SEMA6D: variants seen among roughly 807,000 people sequenced by gnomAD.
SEMA6D encodes the protein semaphorin 6D, also known as semaphorin-6D.
Under a neutral mutation model 106.6 loss-of-function variants are expected in SEMA6D, and 35 were observed. The observed-to-expected ratio is 0.33, with a 90% confidence interval of 0.25 to 0.44. SEMA6D has a LOEUF of 0.44. Among genes scored for constraint, SEMA6D ranks in the 20% least tolerant of loss-of-function variants. The pLI is 1.00. For missense variants in SEMA6D, 1,185 were observed against 1,345.9 expected (o/e 0.88, Z 1.87); for synonymous variants, 499 against 487.7 (o/e 1.02, Z -0.31).
intron 4 of SEMA6D, among the ~76,000 whole-genome samples, chr15:47,682,170 CT>C (rs775730736): frequency 2.3e-3 from 334 of 143,120 alleles, no homozygotes; most frequent in Non-Finnish European, 2.0e-3. Flanking sequence ...AACAGTGCCA[CT>C]TTTTTTTTTT....
intron 3 of SEMA6D, among the ~76,000 whole-genome samples, chr15:47,491,396 G>A (rs1043492565): frequency 1.3e-4 from 20 of 152,148 alleles, no homozygotes; most frequent in African/African-American, 4.3e-4. Context: ...AGAAAAACAA[G>A]TGTCAGAGGA....
intron 3 of SEMA6D, among the ~76,000 whole-genome samples, chr15:47,485,151 A>G (rs931187945): frequency 9.9e-5 from 15 of 152,232 alleles, no homozygotes; most frequent in African/African-American, 3.4e-4. Context: ...TATAAATGCC[A>G]TATTTGTGTC....
intron 4 of SEMA6D, among the ~76,000 whole-genome samples, chr15:47,625,832 T>C (rs939430242): frequency 6.6e-6 from 1 of 152,168 alleles, no homozygotes; most frequent in Non-Finnish European, 1.5e-5. Context: ...AAACTTAATT[T>C]AAAAGGGTGT....
At chr15:47,666,007 A>G (rs1286040827) in intron 4 of SEMA6D, among the ~76,000 whole-genome samples, 1 of 152,182 alleles carries the variant, frequency 6.6e-6, no homozygotes, top group East Asian at 1.9e-4. Flanking sequence ...ATGTGTCCCA[A>G]TTCTTCGACT....
In SEMA6D at chr15:47,763,004, T is replaced by C. The variant is rs958294659; in HGVS notation, c.659-12T>C. On this transcript the variant is annotated splice_polypyrimidine_tract_variant and intron_variant, in intron 8 of 18. Transcript: ENST00000536845. ...CCTTTAGGAACCAGTTTGTTTTTAA[T>C]TTTTCTTTCAGAGCCACACTTTCTT... 1 of 1,603,106 alleles carries C rather than the reference T, an allele frequency of 6.2e-7. No individual in the cohort carries two copies. Among genetic ancestry groups the C allele is most frequent in the Non-Finnish European group, 8.5e-7 (1 of 1,174,710 alleles).
chr15:47,353,298 G>C (rs568940893), intron 1 of SEMA6D, among the ~76,000 whole-genome samples: 1 of 152,028 alleles, frequency 6.6e-6, no homozygotes, highest in Non-Finnish European at 1.5e-5. Context: ...CCACCCACTC[G>C]TGCCCTCCCC....
intron 3 of SEMA6D, among the ~76,000 whole-genome samples, chr15:47,535,065 G>A (rs1374559985): frequency 7.4e-6 from 1 of 134,754 alleles, no homozygotes; most frequent in Non-Finnish European, 1.5e-5. Flanking sequence ...GATCAAGAAT[G>A]TGACAAAAAA....
At chr15:47,441,395 G>GT (rs1272743363) in intron 2 of SEMA6D, among the ~76,000 whole-genome samples, 1 of 152,110 alleles carries the variant, frequency 6.6e-6, no homozygotes, top group African/African-American at 2.4e-5. Context: ...AGTTGGGAGG[G>GT]TAGGAACAAG....
chr15:47,661,227 T>C (rs552215039), intron 4 of SEMA6D, among the ~76,000 whole-genome samples: 1 of 152,220 alleles, frequency 6.6e-6, no homozygotes, highest in Admixed American at 6.5e-5. Flanking sequence ...TTGGCTTGAC[T>C]CTATTTGGTT....
chr15:47,357,106 G>A (rs369776041), intron 1 of SEMA6D, among the ~76,000 whole-genome samples: 14 of 151,814 alleles, frequency 9.2e-5, no homozygotes, highest in South Asian at 2.1e-4. Flanking sequence ...AGGCGGAGGC[G>A]GGCGGATCAC....
rs137947441 is a variant in SEMA6D, at chr15:47,461,840, T to C, written c.-158-8634T>C. ...GCAAATTTGTAAAATGTGTGAAGAA[T>C]GTATATGTTTCTGCTTGTATATTCA... On this transcript the variant is annotated intron_variant, in intron 2 of 19. Transcript: ENST00000558014. 2.8e-3 allele frequency among the ~76,000 whole-genome samples: 424 copies of C among 152,132 alleles called. 2 individuals carry two copies. Among genetic ancestry groups the C allele is most frequent in the African/African-American group, 9.7e-3 (403 of 41,544 alleles).
At chr15:47,597,279 ATGAGTACAGCCATTAT>A (rs901190202) in intron 3 of SEMA6D, among the ~76,000 whole-genome samples, 5 of 152,110 alleles carry the variant, frequency 3.3e-5, no homozygotes, top group Admixed American at 6.5e-5. Context: ...GGGAATGTAA[ATGAGTACAGCCATTAT>A]TGAAAACTGT....
At chr15:47,708,111 A>G (rs1596702189) in intron 4 of SEMA6D, among the ~76,000 whole-genome samples, 2 of 152,298 alleles carry the variant, frequency 1.3e-5, no homozygotes, top group South Asian at 2.1e-4. Context: ...TCCAAGCTGT[A>G]TATCCTCCGG....
chr15:47,227,929 TAAGAATCTTATATATATTTTTATATGTAA>T (rs2031870671), intron 1 of SEMA6D, among the ~76,000 whole-genome samples: 1 of 143,464 alleles, frequency 7.0e-6, no homozygotes, highest in East Asian at 2.2e-4. Flanking sequence ...TTTATATATA[TAAGAATCTTATATATATTTTTATATGTAA>T]GAATCTTATA....
chr15:47,512,392 C>G (rs893015307), intron 3 of SEMA6D, among the ~76,000 whole-genome samples: 2 of 152,206 alleles, frequency 1.3e-5, no homozygotes, highest in African/African-American at 2.4e-5. Context: ...AATATCCACA[C>G]AGTTAAACCA....
At chr15:47,514,822 T>C (rs574966105) in intron 3 of SEMA6D, among the ~76,000 whole-genome samples, 1 of 152,296 alleles carries the variant, frequency 6.6e-6, no homozygotes, top group Admixed American at 6.5e-5. Flanking sequence ...TCAGAAATCC[T>C]CCTGCTCAAA....
intron 4 of SEMA6D, among the ~76,000 whole-genome samples, chr15:47,708,725 T>A (rs1394827497): frequency 6.6e-6 from 1 of 152,194 alleles, no homozygotes; most frequent in Admixed American, 6.5e-5. Context: ...ATAAAACATG[T>A]TAATAAAGTT....
At chr15:47,735,662 G>T (rs1443027593) in intron 1 of SEMA6D, among the ~76,000 whole-genome samples, 1 of 152,140 alleles carries the variant, frequency 6.6e-6, no homozygotes, top group Non-Finnish European at 1.5e-5. Context: ...GCAAATTTAA[G>T]ATCACAAGAG....
intron 1 of SEMA6D, among the ~76,000 whole-genome samples, chr15:47,227,293 A>G (rs1029206042): frequency 6.6e-6 from 1 of 152,004 alleles, no homozygotes; most frequent in Non-Finnish European, 1.5e-5. Flanking sequence ...CTTTAAAGTC[A>G]TGATTGTCCA....
Sources: gnomAD v4.1 joint callset for allele counts (sites outside exome capture counted in the v4.1 genomes callset) on GRCh38, gnomAD v4.1.1 for gene constraint, MANE v1.5 for transcripts, NCBI Gene and HGNC (gene_info 2026-07-23, HGNC 2026-07-21) for gene names.